Variants in ARAP2 observed in about 807,000 individuals in gnomAD.
ARAP2 encodes arf-GAP with Rho-GAP domain, ANK repeat and PH domain-containing protein 2.
A neutral mutation model predicts 194.5 loss-of-function variants in ARAP2; 148 were observed. The ratio of observed to expected loss-of-function variants is 0.76; its 90% CI spans 0.67 to 0.87. ARAP2 has a LOEUF of 0.87. Ranked by LOEUF, ARAP2 falls within the 40% of genes least tolerant of loss-of-function variation. The probability of loss-of-function intolerance (pLI) is 0.00; values close to 1 mark genes in which losing one functional copy is unlikely to be tolerated. For missense variants in ARAP2, 2,128 were observed against 1,989.7 expected (o/e 1.07, Z -1.32); for synonymous variants, 695 against 683.5 (o/e 1.02, Z -0.26).
chr4:36,010,177 T>C (rs1003148552), intron 9 of ARAP2, among the ~76,000 whole-genome samples: 1 of 151,174 alleles, frequency 6.6e-6, no homozygotes, highest in Non-Finnish European at 1.5e-5. Flanking sequence ...GTGTTAAATA[T>C]TATATGTTAT....
chr4:36,147,209 GT>G (rs1729835342), intron 19 of ARAP2, 86 bp downstream of exon 19: 6 of 1,176,748 alleles, frequency 5.1e-6, no homozygotes, highest in Non-Finnish European at 7.4e-6. Flanking sequence ...TTAAAATATT[GT>G]TTTCTCCCTC....
intron 6 of ARAP2, among the ~76,000 whole-genome samples, chr4:36,203,161 G>C (rs1266365740): frequency 6.6e-6 from 1 of 152,152 alleles, no homozygotes; most frequent in Non-Finnish European, 1.5e-5. Flanking sequence ...TTATTCAATG[G>C]AGAGAATAAA....
At chr4:36,243,237 C>T (rs1456841960) in intron 1 of ARAP2, among the ~76,000 whole-genome samples, 3 of 151,846 alleles carry the variant, frequency 2.0e-5, no homozygotes, top group African/African-American at 7.3e-5. Context: ...CAATACTGAG[C>T]TTGTAAGTAC....
chr4:36,057,143 G>C (rs913392109), intron 2 of ARAP2, among the ~76,000 whole-genome samples: 1 of 150,888 alleles, frequency 6.6e-6, no homozygotes, highest in Non-Finnish European at 1.5e-5. Flanking sequence ...TATTTTAAGG[G>C]ATATGGAATT....
Position 36,159,375 on chromosome 4 carries a change from C to G in ARAP2, c.2573G>C (p.Gly858Ala). ...STPYLLAKKAGQSLQMEFLYH... is the reference protein window; with the variant it reads ...STPYLLAKKAAQSLQMEFLYH... ...GAGAAATTCCATTTGCAGACTTTGC[C>G]CAGCTTTCTTGGCTAGCAGATAGGG... Residue 858 changes from glycine to alanine, a missense_variant, in exon 14 of 33, where the codon GGG (glycine) becomes GCG (alanine). Physicochemically the swap from Gly to Ala is moderately conservative, Grantham distance 60 (BLOSUM62 0). Transcript: ENST00000303965. The G allele has an allele frequency of 6.2e-7, 1 of 1,608,230 alleles. No homozygotes were observed. The highest frequency in any genetic ancestry group is 8.5e-7 in the Non-Finnish European group (1 of 1,176,548).
Position 36,166,959 on chromosome 4 carries a change from T to G in ARAP2, c.1946A>C (p.Glu649Ala). ...GAAACTCCTGTAGGGAGTGATTATT[T>G]CAAAAGATTGTTTCACAGTTCGGTC... is the stretch of plus-strand genomic sequence containing the variant. The part of the protein sequence containing the change: ...QVDRTVKQSF[E>A]IITPYRSFSF... The change falls in exon 10 of 33, where the codon GAA becomes GCA. Residue 649 changes from glutamate (E) to alanine (A), a missense_variant. By Grantham distance (107) the Glu-to-Ala change is moderately radical (BLOSUM62 -1). Coordinates refer to ENST00000303965, the MANE Select transcript of ARAP2 (RefSeq NM_015230.4). The G allele has an allele frequency of 6.2e-7, 1 of 1,606,312 alleles. No individual in the cohort carries two copies. Among genetic ancestry groups the G allele is most frequent in the Non-Finnish European group, 8.5e-7 (1 of 1,176,930 alleles).
At position 36,187,450 on chromosome 4, in the gene ARAP2, C is replaced by T. The variant is rs1740826793; in HGVS notation, c.1678+1G>A. On this transcript the variant is annotated splice_donor_variant, in intron 8 of 32. Transcript: ENST00000303965. LOFTEE classifies it high-confidence loss of function. ...TCATATGGATAAATAAATAATCTCA[C>T]CTTCTTTTTCTACTCTAAAAACAAA... The T allele has an allele frequency of 7.2e-7, 1 of 1,390,216 alleles. No individual in the cohort carries two copies. Among genetic ancestry groups the T allele is most frequent in the African/African-American group, 1.5e-5 (1 of 68,266 alleles). 86.1% of individuals were successfully genotyped at this position (1,390,216 alleles called of 1,614,324 possible).
intron 1 of ARAP2, among the ~76,000 whole-genome samples, chr4:36,230,387 G>T (rs1751204318): frequency 6.6e-6 from 1 of 152,050 alleles, no homozygotes; most frequent in African/African-American, 2.4e-5. Flanking sequence ...ATATTTCTCA[G>T]TTCAATAATT....
intron 5 of ARAP2, among the ~76,000 whole-genome samples, chr4:36,032,869 C>A (rs541990814): frequency 2.6e-5 from 4 of 152,248 alleles, no homozygotes; most frequent in Middle Eastern, 3.4e-3. Flanking sequence ...TTGTTCCCCT[C>A]GTTGTGTCCA....
intron 16 of ARAP2, 22 bp from the exon 17 acceptor site, chr4:36,148,529 A>G (rs777067610): frequency 1.3e-6 from 2 of 1,532,400 alleles, no homozygotes; most frequent in Non-Finnish European, 9.0e-7. Flanking sequence ...ACAAATAAAA[A>G]GATACTACCA....
chr4:36,161,918 C>G (rs888286433), intron 11 of ARAP2, among the ~76,000 whole-genome samples: 6 of 151,634 alleles, frequency 4.0e-5, no homozygotes, highest in Non-Finnish European at 8.8e-5. Context: ...AACATCCTGG[C>G]TAACAGGGTG....
chr4:36,123,705 T>C (rs531200243), intron 22 of ARAP2, among the ~76,000 whole-genome samples: 15 of 151,910 alleles, frequency 9.9e-5, no homozygotes, highest in Admixed American at 3.9e-4. Flanking sequence ...GGGATTATTA[T>C]CCTAACACAT....
In ARAP2 at chr4:36,066,023, T is replaced by C. The variant is rs897455474; in HGVS notation, c.*1884A>G. On this transcript the variant is annotated 3_prime_UTR_variant, in exon 33 of 33. Coordinates refer to ENST00000303965, the MANE Select transcript of ARAP2 (RefSeq NM_015230.4). ...TTCAAGTAGACTTGTAAAACAATTT[T>C]AATGTTTACTCAAAATAAATGAGAT... is the stretch of plus-strand genomic sequence containing the variant. The C allele has an allele frequency of 2.0e-5, 3 of 152,244 alleles. No individual in the cohort carries two copies. Among genetic ancestry groups the C allele is most frequent in the Non-Finnish European group, 2.9e-5 (2 of 68,038 alleles). The allele number at this position is 152,244 out of a possible 1,614,324, so 9.4% of individuals were successfully genotyped here. A position where few individuals can be genotyped will look rare whatever the true frequency, so the allele number is the denominator to read the frequency against.
intron 5 of ARAP2, among the ~76,000 whole-genome samples, chr4:36,024,982 G>A (rs2109348273): frequency 6.6e-6 from 1 of 152,196 alleles, no homozygotes; most frequent in South Asian, 2.1e-4. Context: ...TGTCATTATA[G>A]TTTATAACGA....
intron 31 of ARAP2, among the ~76,000 whole-genome samples, chr4:36,078,474 TG>T: frequency 6.6e-6 from 1 of 152,328 alleles, no homozygotes; most frequent in African/African-American, 2.4e-5. Context: ...CGTGTTTGTG[TG>T]TATGTCTACG....
intron 6 of ARAP2, among the ~76,000 whole-genome samples, chr4:36,196,202 C>T (rs1025426480): frequency 2.6e-5 from 4 of 152,220 alleles, no homozygotes; most frequent in Non-Finnish European, 5.9e-5. Context: ...TGCAGCCACT[C>T]CAACACTTAA....
At chr4:36,210,264 T>C (rs777463004) in intron 6 of ARAP2, 126 bp downstream of exon 6, 4 of 799,232 alleles carry the variant, frequency 5.0e-6, no homozygotes, top group Non-Finnish European at 7.7e-6. Context: ...TCCCTAAAAA[T>C]GGCATCTCTG....
chr4:36,082,460 A>C (rs563878701), intron 29 of ARAP2, among the ~76,000 whole-genome samples, 174 bp from the exon 30 acceptor site: 27 of 152,256 alleles, frequency 1.8e-4, no homozygotes, highest in African/African-American at 6.0e-4. Flanking sequence ...ATGCTAAGGG[A>C]TCTGGCTACA....
At chr4:36,207,455 T>C (rs1293522897) in intron 6 of ARAP2, among the ~76,000 whole-genome samples, 1 of 152,234 alleles carries the variant, frequency 6.6e-6, no homozygotes, top group Non-Finnish European at 1.5e-5. Flanking sequence ...CAACTTTTCA[T>C]ATTTTAAACT....
Sources: allele counts gnomAD v4.1 joint callset (sites outside exome capture counted in the v4.1 genomes callset), GRCh38; gene constraint gnomAD v4.1.1; transcripts MANE v1.5; gene names NCBI Gene and HGNC (gene_info 2026-07-23, HGNC 2026-07-21).